NUDCD1: variants seen among roughly 807,000 people sequenced by gnomAD.
NUDCD1 encodes NudC domain containing 1.
A neutral mutation model predicts 67.8 loss-of-function variants in NUDCD1; 60 were observed. The observed-to-expected ratio is 0.88, with a 90% CI of 0.72 to 1.10. The LOEUF is 1.10. NUDCD1 is among the 50% of genes least tolerant of loss of function. The probability of loss-of-function intolerance (pLI) is 0.00; values close to 1 mark genes in which losing one functional copy is unlikely to be tolerated. For missense variants in NUDCD1, 643 were observed against 695.0 expected (o/e 0.93, Z 0.84); for synonymous variants, 244 against 230.8 (o/e 1.06, Z -0.52).
chr8:109,275,595 A>C, intron 6 of NUDCD1, 99 bp from the exon 7 acceptor site: 2 of 1,143,666 alleles, frequency 1.7e-6, no homozygotes, highest in Non-Finnish European at 1.2e-6. Context: ...TATAGAAAGA[A>C]CCCTCCGGTG....
chr8:109,332,010 TC>T (rs1255276380), intron 1 of NUDCD1, among the ~76,000 whole-genome samples: 1 of 152,204 alleles, frequency 6.6e-6, no homozygotes, highest in African/African-American at 2.4e-5. Context: ...CCTCATGCTT[TC>T]CCATGAATGG....
chr8:109,274,586 T>TA (rs937833704), intron 7 of NUDCD1, among the ~76,000 whole-genome samples: 2 of 152,172 alleles, frequency 1.3e-5, no homozygotes, highest in East Asian at 1.9e-4. Flanking sequence ...ACATGAAACT[T>TA]AGTTTCTCTA....
chr8:109,281,511 G>C (rs1352450421), intron 5 of NUDCD1, among the ~76,000 whole-genome samples: 5 of 151,960 alleles, frequency 3.3e-5, no homozygotes, highest in African/African-American at 4.8e-5. Context: ...CACACACACA[G>C]AGTGAATCCC....
rs751744029 is a variant in NUDCD1, at chr8:109,245,444, A to G, written c.1337T>C (p.Ile446Thr). 1.1e-5 allele frequency: 17 copies of G among 1,613,516 alleles called. No homozygotes were observed. Among genetic ancestry groups the G allele is most frequent in the African/African-American group, 6.7e-5 (5 of 74,898 alleles). The change falls in exon 9 of 10, where the codon ATA becomes ACA. Residue 446 changes from isoleucine (I) to threonine (T), a missense_variant. Coordinates refer to ENST00000239690, the MANE Select transcript of NUDCD1 (RefSeq NM_032869.4). ...GCAGGGCATTTCTTTAGGATCCACT[A>G]TGACAGAGAAAAGGTACTGGTTGCT... ...LGSNQYLFSV[I>T]VDPKEMPCFC...
At chr8:109,310,523 T>C (rs1201018659) in intron 2 of NUDCD1, among the ~76,000 whole-genome samples, 1 of 152,156 alleles carries the variant, frequency 6.6e-6, no homozygotes, top group African/African-American at 2.4e-5. Context: ...TTCTAGAAGA[T>C]AACATTGGAA....
intron 6 of NUDCD1, among the ~76,000 whole-genome samples, chr8:109,277,916 T>C (rs1265026956): frequency 2.0e-5 from 3 of 152,200 alleles, no homozygotes; most frequent in Non-Finnish European, 2.9e-5. Flanking sequence ...TTTTGATATA[T>C]TAAAAAGTGT....
intron 4 of NUDCD1, among the ~76,000 whole-genome samples, chr8:109,292,186 T>C (rs879561528): frequency 1.3e-5 from 2 of 152,178 alleles, no homozygotes; most frequent in Non-Finnish European, 2.9e-5. Flanking sequence ...CATTTATATA[T>C]TGTCTATGGA....
chr8:109,289,672 T>C, intron 5 of NUDCD1, 79 bp downstream of exon 5: 2 of 740,758 alleles, frequency 2.7e-6, no homozygotes, highest in South Asian at 4.1e-5. Flanking sequence ...TGTAGAACTA[T>C]TAACCTAACT....
chr8:109,276,336 A>AT (rs1563668318), intron 6 of NUDCD1, among the ~76,000 whole-genome samples: 1 of 152,208 alleles, frequency 6.6e-6, no homozygotes, highest in African/African-American at 2.4e-5. Context: ...ACCCACTGCT[A>AT]TAACAGAAAA....
chr8:109,278,221 C>G (rs1197350243), intron 6 of NUDCD1, among the ~76,000 whole-genome samples: 1 of 152,096 alleles, frequency 6.6e-6, no homozygotes, highest in Non-Finnish European at 1.5e-5. Context: ...ATTCATTAAT[C>G]CATCACTGAA....
chr8:109,290,026 A>G, intron 4 of NUDCD1, 93 bp from the exon 5 acceptor site: 2 of 580,322 alleles, frequency 3.4e-6, no homozygotes, highest in South Asian at 6.3e-5. Flanking sequence ...TTATAATTAA[A>G]TAATTTGAAT....
intron 8 of NUDCD1, among the ~76,000 whole-genome samples, chr8:109,253,020 AC>A (rs754054318): frequency 9.2e-5 from 14 of 152,172 alleles, no homozygotes; most frequent in Non-Finnish European, 1.8e-4. Context: ...CAAGTAGCCA[AC>A]CCATGTACTA....
intron 2 of NUDCD1, among the ~76,000 whole-genome samples, chr8:109,302,185 C>T (rs1225839061): frequency 3.3e-5 from 5 of 152,280 alleles, no homozygotes; most frequent in South Asian, 2.1e-4. Flanking sequence ...TCTGCAACAT[C>T]GCCTGGCCCC....
At chr8:109,254,679 A>C (rs779798692) in intron 8 of NUDCD1, among the ~76,000 whole-genome samples, 3 of 152,118 alleles carry the variant, frequency 2.0e-5, no homozygotes, top group Non-Finnish European at 4.4e-5. Flanking sequence ...ATGCATTTCA[A>C]ATAGTCAATT....
chr8:109,269,945 TAAA>T (rs11347205), intron 8 of NUDCD1, among the ~76,000 whole-genome samples: 12 of 128,342 alleles, frequency 9.4e-5, no homozygotes, highest in African/African-American at 1.8e-4. Flanking sequence ...GGTTCTAAAT[TAAA>T]AAAAAAAAAA....
Position 109,281,034 on chromosome 8 carries a change from A to G in NUDCD1, c.962T>C (p.Leu321Ser), listed in dbSNP as rs1426528107. Reference sequence around the variant, plus strand: ...AATAGATGAATAGAGTTTTCCTTCTAAAAACTGGTGATCCTTCAGTACAAT... The same window carrying G: ...AATAGATGAATAGAGTTTTCCTTCTGAAAACTGGTGATCCTTCAGTACAAT... ...INIVLKDHQFLEGKLYSSIDH... is the reference protein window; with the variant it reads ...INIVLKDHQFSEGKLYSSIDH... The change falls in exon 6 of 10, where the codon TTA (leucine) becomes TCA (serine). Residue 321 changes from leucine (L) to serine (S), a missense_variant. By Grantham distance (145) the Leu-to-Ser change is moderately radical. Transcript: ENST00000239690. The G allele has an allele frequency of 1.9e-6, 3 of 1,611,082 alleles. No homozygotes were observed. Among genetic ancestry groups the G allele is most frequent in the Non-Finnish European group, 2.5e-6 (3 of 1,177,510 alleles).
intron 8 of NUDCD1, among the ~76,000 whole-genome samples, chr8:109,269,036 G>C (rs1165975104): frequency 6.6e-6 from 1 of 152,146 alleles, no homozygotes; most frequent in Admixed American, 6.5e-5. Context: ...TGAAGAGGAA[G>C]CGGGAAAATG....
rs551643765 is a variant in NUDCD1, at chr8:109,251,205, G to C, written c.1300-5724C>G. On this transcript the variant is annotated intron_variant, in intron 8 of 9. Coordinates refer to ENST00000239690, the MANE Select transcript of NUDCD1 (RefSeq NM_032869.4). ...TTCTTTTTTTTTTGGAGAGAGTCTC[G>C]CTCTGTCGCCCAGGCTGGAGTGCAG... 3.7e-5 allele frequency among the ~76,000 whole-genome samples: 5 copies of C among 135,752 alleles called. No individual in the cohort carries two copies. The South Asian group carries it at 1.1e-3, about 31-fold the overall frequency. 89.1% of individuals were successfully genotyped at this position (135,752 alleles called of 152,430 possible).
At chr8:109,259,270 G>A (rs190733298) in intron 8 of NUDCD1, among the ~76,000 whole-genome samples, 158 of 152,320 alleles carry the variant, frequency 1.0e-3, no homozygotes, top group African/African-American at 3.4e-3. Context: ...ACATTTCCCC[G>A]TGGAAACTGA....
Sources: gnomAD v4.1 joint callset for allele counts (sites outside exome capture counted in the v4.1 genomes callset) on GRCh38, gnomAD v4.1.1 for gene constraint, MANE v1.5 for transcripts, NCBI Gene and HGNC (gene_info 2026-07-23, HGNC 2026-07-21) for gene names.